KIZ: variants seen among roughly 807,000 people sequenced by gnomAD.
KIZ encodes the protein centrosomal protein kizuna.
Under a neutral mutation model 79.6 loss-of-function variants are expected in KIZ, and 68 were observed. The ratio of observed to expected loss-of-function variants is 0.85; its 90% confidence interval spans 0.70 to 1.05. KIZ has a LOEUF of 1.05. KIZ is among the 50% of genes least tolerant of loss of function. KIZ has a pLI of 0.00. For missense variants in KIZ, 797 were observed against 800.4 expected (o/e 1.00, Z 0.05); for synonymous variants, 280 against 281.8 (o/e 0.99, Z 0.06).
At chr20:21,204,115 T>G (rs1159773147) in intron 6 of KIZ, among the ~76,000 whole-genome samples, 13 of 132,440 alleles carry the variant, frequency 9.8e-5, no homozygotes, top group South Asian at 2.7e-4. Context: ...GTTTTTTTTT[T>G]TTTTTTTTTT....
chr20:21,241,145 A>C (rs1600631781), intron 11 of KIZ, among the ~76,000 whole-genome samples: 3 of 152,112 alleles, frequency 2.0e-5, no homozygotes, highest in Non-Finnish European at 4.4e-5. Flanking sequence ...TCTTTCATCT[A>C]CTCTAGTAGC....
intron 4 of KIZ, among the ~76,000 whole-genome samples, chr20:21,153,028 G>C (rs554513451): frequency 6.6e-6 from 1 of 152,290 alleles, no homozygotes; most frequent in Non-Finnish European, 1.5e-5. Flanking sequence ...TGTAGCATAA[G>C]AGGTTTGCAT....
chr20:21,193,657 A>G (rs1473004538), intron 6 of KIZ, among the ~76,000 whole-genome samples: 4 of 152,048 alleles, frequency 2.6e-5, no homozygotes, highest in African/African-American at 7.2e-5. Flanking sequence ...CATATACACC[A>G]TGGAATACTA....
chr20:21,176,403 T>TA, intron 6 of KIZ, among the ~76,000 whole-genome samples: 1 of 152,100 alleles, frequency 6.6e-6, no homozygotes, highest in East Asian at 1.9e-4. Flanking sequence ...TAGCCTCTGA[T>TA]ACCTACATTT....
rs75092351 is a variant in KIZ, at chr20:21,164,893, A to G, written c.1352+1734A>G. ...TGGTTGTTTCTGTGTCTGTATTATC[A>G]AATTTGAGCCTACTGATTTTCTGGG... On this transcript the variant is annotated intron_variant, in intron 6 of 12. Coordinates refer to ENST00000619189, the MANE Select transcript of KIZ (RefSeq NM_018474.6). Among the ~76,000 whole-genome samples, 402 of 152,262 alleles carry G rather than the reference A, an allele frequency of 2.6e-3. 5 individuals are homozygous for G. The East Asian group carries it at 0.033, about 13-fold the overall frequency.
chr20:21,172,053 T>C (rs1600448002), intron 6 of KIZ, among the ~76,000 whole-genome samples: 1 of 152,178 alleles, frequency 6.6e-6, no homozygotes, highest in African/African-American at 2.4e-5. Flanking sequence ...AACAGAAGAA[T>C]CACCCAGCCA....
chr20:21,134,976 G>A (rs2032099622), intron 2 of KIZ, among the ~76,000 whole-genome samples: 1 of 152,072 alleles, frequency 6.6e-6, no homozygotes, highest in African/African-American at 2.4e-5. Flanking sequence ...CCATCTTTCA[G>A]GTCTTAGCTG....
At chr20:21,137,371 T>C (rs754852143) in intron 3 of KIZ, among the ~76,000 whole-genome samples, 13 of 152,016 alleles carry the variant, frequency 8.6e-5, no homozygotes, top group Non-Finnish European at 1.2e-4. Flanking sequence ...TCCTCACCAT[T>C]TGCACTGGTC....
At chr20:21,159,317 C>T (rs779891336) in intron 4 of KIZ, among the ~76,000 whole-genome samples, 9 of 152,132 alleles carry the variant, frequency 5.9e-5, no homozygotes, top group Non-Finnish European at 1.3e-4. Flanking sequence ...AGCTGCATAA[C>T]TTAATTTCTT....
chr20:21,166,154 T>A, intron 6 of KIZ: 1 of 833,158 alleles, frequency 1.2e-6, no homozygotes, highest in Non-Finnish European at 1.8e-6. Context: ...TTGTATTTTT[T>A]TTTTTTTTTT....
intron 9 of KIZ, among the ~76,000 whole-genome samples, chr20:21,220,586 C>T (rs572167031): frequency 2.0e-5 from 3 of 152,170 alleles, no homozygotes; most frequent in East Asian, 3.9e-4. Flanking sequence ...CGGGTTCAAG[C>T]GATTCTCGTG....
rs761612185 is a variant in KIZ at position 21,214,694 on chromosome 20, G to A, written c.1606G>A (p.Glu536Lys). ...ATGGCTCAACAGTGTTCCTACAAGGGAACAAGGTAACTATTGTTAAAGTGT... is the reference window on the plus strand; with the variant it reads ...ATGGCTCAACAGTGTTCCTACAAGGAAACAAGGTAACTATTGTTAAAGTGT... ...AVWLNSVPTR[E>K]QEVSSGCGDK... Residue 536 changes from glutamate (E) to lysine (K), a missense_variant, in exon 8 of 13, where the codon GAA (glutamate) becomes AAA (lysine). Glu to Lys is a moderately conservative substitution (Grantham distance 56). Transcript: ENST00000619189. 6 of 1,609,502 alleles carry A rather than the reference G, an allele frequency of 3.7e-6. No individual in the cohort carries two copies. Among genetic ancestry groups the A allele is most frequent in the Non-Finnish European group, 5.1e-6 (6 of 1,176,474 alleles).
At chr20:21,181,802 A>C (rs1193320140) in intron 6 of KIZ, among the ~76,000 whole-genome samples, 2 of 152,176 alleles carry the variant, frequency 1.3e-5, no homozygotes, top group East Asian at 3.9e-4. Flanking sequence ...ATTGTTGAAC[A>C]TTCAGCTATT....
At chr20:21,202,295 C>CT (rs2035629020) in intron 6 of KIZ, 1 of 152,182 alleles carries the variant, frequency 6.6e-6, no homozygotes, top group South Asian at 2.1e-4. Context: ...AGTTGACTTA[C>CT]TTATTATAAG....
intron 4 of KIZ, among the ~76,000 whole-genome samples, chr20:21,156,821 A>G (rs1362706036): frequency 1.3e-5 from 2 of 152,228 alleles, no homozygotes; most frequent in East Asian, 3.8e-4. Flanking sequence ...ATTTAGGTAT[A>G]CACACATACA....
chr20:21,136,025 TC>T (rs923907294), intron 2 of KIZ, among the ~76,000 whole-genome samples: 1 of 152,236 alleles, frequency 6.6e-6, no homozygotes, highest in Non-Finnish European at 1.5e-5. Flanking sequence ...TTTGAAATTG[TC>T]ATATGTAAGA....
Position 21,174,398 on chromosome 20 carries a change from A to AC in KIZ, c.1352+11242dup, listed in dbSNP as rs578221671. Among the ~76,000 whole-genome samples the AC allele has an allele frequency of 1.1e-4, 16 of 152,302 alleles. No homozygotes were observed. The South Asian group carries it at 1.2e-3, about 12-fold the overall frequency. On this transcript the variant is annotated intron_variant, in intron 6 of 12. Transcript: ENST00000619189. ...CCCTCTGTGACCAGAGTTAACTGGTACCCTATGCTGTCTCCCAGTGAATCT... is the reference window on the plus strand; with the variant it reads ...CCCTCTGTGACCAGAGTTAACTGGTACCCCTATGCTGTCTCCCAGTGAATCT...
intron 7 of KIZ, among the ~76,000 whole-genome samples, chr20:21,210,259 G>A (rs998408444): frequency 3.3e-5 from 5 of 152,074 alleles, no homozygotes; most frequent in African/African-American, 1.2e-4. Flanking sequence ...AGTGAGCTTC[G>A]ATCGCGCCAC....
chr20:21,149,875 C>T (rs1365793909), intron 4 of KIZ, among the ~76,000 whole-genome samples: 2 of 152,148 alleles, frequency 1.3e-5, no homozygotes, highest in East Asian at 1.9e-4. Flanking sequence ...GGTTGGAATC[C>T]CCTGGGAAGG....
Sources: allele counts gnomAD v4.1 joint callset (sites outside exome capture counted in the v4.1 genomes callset), GRCh38; gene constraint gnomAD v4.1.1; transcripts MANE v1.5; gene names NCBI Gene and HGNC (gene_info 2026-07-23, HGNC 2026-07-21).